Variants in GPATCH2 observed in about 807,000 individuals in gnomAD.
GPATCH2 encodes the protein G-patch domain containing 2.
A neutral mutation model predicts 58.0 loss-of-function variants in GPATCH2; 51 were observed. That is an observed-to-expected ratio of 0.88 (90% CI 0.70 to 1.11). The LOEUF (loss-of-function observed/expected upper bound fraction) is 1.11, where lower values mean the gene tolerates loss of function less well. Ranked by LOEUF, GPATCH2 falls within the 50% of genes most tolerant of loss-of-function variation. The pLI is 0.00. For synonymous variants in GPATCH2, 222 were observed against 218.5 expected (o/e 1.02, Z -0.14); for missense variants, 625 against 652.2 (o/e 0.96, Z 0.45).
At chr1:217,557,600 G>A (rs921403610) in intron 5 of GPATCH2, among the ~76,000 whole-genome samples, 1 of 152,082 alleles carries the variant, frequency 6.6e-6, no homozygotes, top group Admixed American at 6.6e-5. Flanking sequence ...ATTTTTGTAT[G>A]TGCTATCAGA....
chr1:217,460,793 G>A (rs577151762), intron 8 of GPATCH2, among the ~76,000 whole-genome samples: 163 of 152,260 alleles, frequency 1.1e-3, no homozygotes, highest in Non-Finnish European at 1.1e-3. Flanking sequence ...GAAAAAGTCC[G>A]CTCCATAATT....
chr1:217,523,926 C>T (rs1453386769), intron 5 of GPATCH2, among the ~76,000 whole-genome samples: 5 of 80,324 alleles, frequency 6.2e-5, no homozygotes, highest in South Asian at 3.9e-4. Context: ...CCCTCCCGGA[C>T]GGGGCAGTTG....
At chr1:217,586,457 C>T (rs2102756398) in intron 5 of GPATCH2, among the ~76,000 whole-genome samples, 1 of 152,034 alleles carries the variant, frequency 6.6e-6, no homozygotes, top group East Asian at 1.9e-4. Context: ...TCATCAATAT[C>T]ACTGTCTTCA....
At chr1:217,470,947 C>T (rs1660700636) in intron 8 of GPATCH2, among the ~76,000 whole-genome samples, 1 of 151,638 alleles carries the variant, frequency 6.6e-6, no homozygotes, top group Admixed American at 6.6e-5. Flanking sequence ...ATAAAAAAAA[C>T]TAAGATATTT....
chr1:217,495,837 G>T (rs1367937121), intron 7 of GPATCH2, among the ~76,000 whole-genome samples: 3 of 152,164 alleles, frequency 2.0e-5, no homozygotes, highest in Non-Finnish European at 4.4e-5. Flanking sequence ...TTTAACAAAT[G>T]TATAGTAAAG....
chr1:217,503,594 A>G (rs1163612363), intron 6 of GPATCH2, among the ~76,000 whole-genome samples: 1 of 152,204 alleles, frequency 6.6e-6, no homozygotes, highest in East Asian at 1.9e-4. Context: ...CCAAATTTAA[A>G]TAGCAGTCTT....
At chr1:217,579,538 A>G (rs1666961224) in intron 5 of GPATCH2, among the ~76,000 whole-genome samples, 1 of 152,206 alleles carries the variant, frequency 6.6e-6, no homozygotes, top group African/African-American at 2.4e-5. Context: ...TGCAGCAGTA[A>G]ATCTATGCAC....
At chr1:217,611,597 A>T (rs988185404) in intron 3 of GPATCH2, among the ~76,000 whole-genome samples, 1 of 152,220 alleles carries the variant, frequency 6.6e-6, no homozygotes, top group African/African-American at 2.4e-5. Flanking sequence ...ATTAAAAAGT[A>T]TTAAAACTGT....
In GPATCH2 at chr1:217,522,975, T is replaced by A. The variant is rs1048008984; in HGVS notation, c.1099-8086A>T. ...TTAAAAAACAGATTAACATTTTATG[T>A]AATGGTTTATGAAAATACTATCTTG... On this transcript the variant is annotated intron_variant, in intron 5 of 9. Transcript: ENST00000366935. 5.9e-5 allele frequency among the ~76,000 whole-genome samples: 9 copies of A among 151,798 alleles called. 1 individual carries two copies. Among genetic ancestry groups the A allele is most frequent in the African/African-American group, 1.9e-4 (8 of 41,068 alleles).
intron 1 of GPATCH2, among the ~76,000 whole-genome samples, chr1:217,622,924 G>A (rs1669269178): frequency 6.6e-6 from 1 of 152,200 alleles, no homozygotes; most frequent in South Asian, 2.1e-4. Flanking sequence ...AAACAAAACA[G>A]AGGCTACAAC....
At chr1:217,523,999 G>T (rs1242256828) in intron 5 of GPATCH2, among the ~76,000 whole-genome samples, 4 of 141,134 alleles carry the variant, frequency 2.8e-5, no homozygotes, top group Non-Finnish European at 6.2e-5. Flanking sequence ...GGGCAGAGGG[G>T]CTCCTCACTT....
intron 5 of GPATCH2, among the ~76,000 whole-genome samples, chr1:217,560,782 AT>A (rs557682062): frequency 7.0e-4 from 107 of 152,326 alleles, no homozygotes; most frequent in African/African-American, 2.4e-3. Context: ...AGTTAGTAGC[AT>A]TCCCAACCCT....
chr1:217,449,409 T>A, intron 8 of GPATCH2, 72 bp from the exon 9 acceptor site: 1 of 890,250 alleles, frequency 1.1e-6, no homozygotes, highest in Non-Finnish European at 1.9e-6. Context: ...GCTTGTATCA[T>A]CTGAACCTAA....
intron 5 of GPATCH2, among the ~76,000 whole-genome samples, chr1:217,572,478 GCTTCGTGGGCACC>G (rs1666614920): frequency 6.6e-6 from 1 of 152,050 alleles, no homozygotes; most frequent in Non-Finnish European, 1.5e-5. Flanking sequence ...TAGTTTTCAG[GCTTCGTGGGCACC>G]CTGTGTTTGC....
At chr1:217,510,823 T>C (rs1338796475) in intron 6 of GPATCH2, among the ~76,000 whole-genome samples, 6 of 152,150 alleles carry the variant, frequency 3.9e-5, no homozygotes, top group South Asian at 4.1e-4. Flanking sequence ...CCAGGTGCAG[T>C]GGCTCACATC....
chr1:217,519,214 T>C (rs1255523795), intron 5 of GPATCH2, among the ~76,000 whole-genome samples: 2 of 152,266 alleles, frequency 1.3e-5, no homozygotes, highest in Non-Finnish European at 2.9e-5. Context: ...ATTGGCGTTT[T>C]ATAAGTTCTG....
rs999701031 is a variant in GPATCH2, at chr1:217,610,030, A to G, written c.1098+291T>C. On this transcript the variant is annotated intron_variant, in intron 5 of 9. Transcript: ENST00000366935. ...CCAGTCCTCCAGCAAAAACAGCCCC[A>G]TCTTTTCATCAAAGAGGCTCTCACT... 7 of 1,433,240 alleles carry G rather than the reference A, an allele frequency of 4.9e-6. No homozygotes were observed. In the Middle Eastern group the frequency reaches 1.1e-3, roughly 223 times the overall value. The allele number at this position is 1,433,240 out of a possible 1,614,324, so 88.8% of individuals were successfully genotyped here. A position where few individuals can be genotyped will look rare whatever the true frequency, so the allele number is the denominator to read the frequency against.
intron 5 of GPATCH2, among the ~76,000 whole-genome samples, chr1:217,550,729 CAT>C (rs1283635639): frequency 6.6e-6 from 1 of 151,800 alleles, no homozygotes; most frequent in African/African-American, 2.4e-5. Flanking sequence ...ATTTTAAACA[CAT>C]GATTTTAAAA....
chr1:217,611,679 G>A (rs570389656), intron 3 of GPATCH2, among the ~76,000 whole-genome samples: 1 of 152,076 alleles, frequency 6.6e-6, no homozygotes, highest in Non-Finnish European at 1.5e-5. Flanking sequence ...AGTGTAAAAG[G>A]GGAAACAATC....
Sources: allele counts gnomAD v4.1 joint callset (sites outside exome capture counted in the v4.1 genomes callset), GRCh38; gene constraint gnomAD v4.1.1; transcripts MANE v1.5; gene names NCBI Gene and HGNC (gene_info 2026-07-23, HGNC 2026-07-21).